VAC14: variants seen among roughly 807,000 people sequenced by gnomAD.
The protein encoded by VAC14 is VAC14 component of PIKFYVE complex.
Under a neutral mutation model 85.3 loss-of-function variants are expected in VAC14, and 47 were observed. That is an observed-to-expected ratio of 0.55 (90% CI 0.44 to 0.70). VAC14 has a LOEUF of 0.70. VAC14 is among the 30% of genes least tolerant of loss of function. VAC14 has a pLI of 0.00. For missense variants in VAC14, 861 were observed against 1,004.3 expected (o/e 0.86, Z 1.93); for synonymous variants, 447 against 430.5 (o/e 1.04, Z -0.47).
Position 70,695,524 on chromosome 16 carries a change from TG to T in VAC14, c.2035+19del, listed in dbSNP as rs759981152. On this transcript the variant is annotated intron_variant, in intron 17 of 18. Coordinates refer to ENST00000261776, the MANE Select transcript of VAC14 (RefSeq NM_018052.5). ...AGCCTTGGACTCATGGCGCGAGGTG[TG>T]GTGGGAGGTGGTTCTTACATGTGAA... 38 of 1,612,586 alleles carry T rather than the reference TG, an allele frequency of 2.4e-5. No individual in the cohort carries two copies. The Admixed American group carries it at 6.2e-4, about 26-fold the overall frequency.
chr16:70,730,331 C>T (rs181693875), intron 14 of VAC14, among the ~76,000 whole-genome samples: 69 of 152,146 alleles, frequency 4.5e-4, no homozygotes, highest in African/African-American at 1.2e-3. Context: ...TCAGTGCCTC[C>T]GTGCTGACCC....
chr16:70,778,977 C>A (rs1049476629), intron 9 of VAC14: 18 of 152,234 alleles, frequency 1.2e-4, no homozygotes. Flanking sequence ...GCTTATCCCT[C>A]CAAGTTAACT....
intron 10 of VAC14, among the ~76,000 whole-genome samples, chr16:70,765,978 A>G (rs576144571): frequency 6.6e-6 from 1 of 152,118 alleles, no homozygotes; most frequent in South Asian, 2.1e-4. Context: ...TGAAAAATTT[A>G]AAAAATTAGC....
intron 2 of VAC14, 91 bp from the exon 3 acceptor site, chr16:70,785,960 G>A (rs2034035877): frequency 1.4e-6 from 2 of 1,447,294 alleles, no homozygotes; most frequent in Non-Finnish European, 1.9e-6. Context: ...CAGCTCCCTT[G>A]AAGGTGCTCA....
chr16:70,751,884 C>G (rs1389676113), intron 12 of VAC14, among the ~76,000 whole-genome samples: 1 of 152,210 alleles, frequency 6.6e-6, no homozygotes, highest in Non-Finnish European at 1.5e-5. Flanking sequence ...GGGGTGGCAT[C>G]CTGAGAAACG....
At chr16:70,723,537 C>T (rs146729429) in intron 14 of VAC14, among the ~76,000 whole-genome samples, 1 of 152,328 alleles carries the variant, frequency 6.6e-6, no homozygotes, top group East Asian at 1.9e-4. Flanking sequence ...GCTGGAGTGA[C>T]CAATGTCAAA....
At chr16:70,756,534 G>T (rs977501198) in intron 12 of VAC14, among the ~76,000 whole-genome samples, 2 of 152,208 alleles carry the variant, frequency 1.3e-5, no homozygotes, top group South Asian at 4.1e-4. Flanking sequence ...GCTGGTGAGG[G>T]GCTGAGAGGC....
rs1347414219 is a variant in VAC14 at position 70,778,347 on chromosome 16, G to A, written c.1096+2443C>T. On this transcript the variant is annotated intron_variant, in intron 9 of 18. Coordinates refer to ENST00000261776, the MANE Select transcript of VAC14 (RefSeq NM_018052.5). ...CAGGATGGAGTGGTTCCTTTCTAGC[G>A]GGCTTGACTTCTTGCCACATAAGCA... 5 of 152,148 alleles carry A rather than the reference G, an allele frequency of 3.3e-5. No homozygotes were observed. In the South Asian group the frequency reaches 6.2e-4, roughly 19 times the overall value. 9.4% of individuals were successfully genotyped at this position (152,148 alleles called of 1,614,324 possible).
In VAC14 at chr16:70,698,924, T is replaced by C. The variant is rs543483775; in HGVS notation, c.1662-113A>G. On this transcript the variant is annotated intron_variant, in intron 14 of 18. Transcript: ENST00000261776. ...GCGTCCTGGGGAAACTGCTCTTTCC[T>C]GAGGCCAGTGTGGAGCCATGACTCT... 35 of 873,196 alleles carry C rather than the reference T, an allele frequency of 4.0e-5. No homozygotes were observed. In the South Asian group the frequency reaches 5.5e-4, roughly 14 times the overall value. 54.1% of individuals were successfully genotyped at this position (873,196 alleles called of 1,614,324 possible). A position where few individuals can be genotyped will look rare whatever the true frequency, so the allele number is the denominator to read the frequency against.
chr16:70,768,712 A>G (rs1597977136), intron 10 of VAC14: 1 of 421,548 alleles, frequency 2.4e-6, no homozygotes, highest in East Asian at 7.9e-5. Context: ...CAAGTGAGAA[A>G]TCTTTCATAA....
chr16:70,795,655 A>G (rs2034516412), intron 1 of VAC14, among the ~76,000 whole-genome samples: 1 of 152,184 alleles, frequency 6.6e-6, no homozygotes, highest in African/African-American at 2.4e-5. Context: ...CCCCACAGCC[A>G]GCAGGCAGGG....
rs373347236 is a variant in VAC14 at position 70,709,995 on chromosome 16, T to A, written c.1662-11184A>T. Among the ~76,000 whole-genome samples the A allele has an allele frequency of 6.6e-5, 10 of 152,280 alleles. No homozygotes were observed. The South Asian group carries it at 2.1e-3, about 32-fold the overall frequency. On this transcript the variant is annotated intron_variant, in intron 14 of 18. Coordinates refer to ENST00000261776, the MANE Select transcript of VAC14 (RefSeq NM_018052.5). ...CTTGAACCCTCTAAGCAGGATTTCC[T>A]CCTGAGGATGTGCTCAGCTGCCCCC...
chr16:70,700,311 C>G (rs1160018392), intron 14 of VAC14: 1 of 152,262 alleles, frequency 6.6e-6, no homozygotes, highest in South Asian at 2.1e-4. Context: ...ACAAGCGGCA[C>G]AGGGAGGGGG....
intron 13 of VAC14, among the ~76,000 whole-genome samples, chr16:70,732,347 C>T (rs1167819598): frequency 6.6e-6 from 1 of 152,236 alleles, no homozygotes; most frequent in Admixed American, 6.5e-5. Context: ...AGGTGACTTT[C>T]TAACCAGGAG....
chr16:70,751,910 G>T (rs115554533), intron 12 of VAC14, among the ~76,000 whole-genome samples: 1,762 of 152,318 alleles, frequency 0.012, 31 homozygotes, highest in African/African-American at 0.04. Context: ...GTCTGCACGG[G>T]GTCACAGCAG....
intron 14 of VAC14, among the ~76,000 whole-genome samples, chr16:70,707,670 G>T (rs1448167371): frequency 3.3e-5 from 5 of 152,220 alleles, no homozygotes; most frequent in Non-Finnish European, 5.9e-5. Flanking sequence ...TAGAGAGCAA[G>T]TTGACTCCCG....
chr16:70,784,835 C>G lies in VAC14; in HGVS notation c.427G>C (p.Ala143Pro). Residue 143 changes from alanine to proline, a missense_variant, in exon 4 of 19, where the codon GCA becomes CCA. Physicochemically the swap from Ala to Pro is conservative, Grantham distance 27. Coordinates refer to ENST00000261776, the MANE Select transcript of VAC14 (RefSeq NM_018052.5). Reference protein sequence around the residue: ...NVLFDGLSKLAADPDPNVKSG... With the variant: ...NVLFDGLSKLPADPDPNVKSG... The stretch of plus-strand genomic sequence containing the variant: ...TTCACATTGGGGTCTGGGTCGGCTG[C>G]CAGCTGCAAGAGGCACAGACAGGGG... The G allele has an allele frequency of 1.2e-6, 2 of 1,614,048 alleles. No homozygotes were observed. The highest frequency in any genetic ancestry group is 1.7e-6 in the Non-Finnish European group (2 of 1,180,006).
At chr16:70,739,245 C>T (rs1030637851) in intron 13 of VAC14, among the ~76,000 whole-genome samples, 6 of 152,144 alleles carry the variant, frequency 3.9e-5, no homozygotes, top group Non-Finnish European at 5.9e-5. Context: ...AATCTAGATC[C>T]CTCTGACCCC....
At chr16:70,756,612 T>G (rs941596845) in intron 12 of VAC14, among the ~76,000 whole-genome samples, 4 of 152,030 alleles carry the variant, frequency 2.6e-5, no homozygotes, top group Admixed American at 6.5e-5. Flanking sequence ...GCCCCATTCC[T>G]CTCCCCTCAG....
Sources: gnomAD v4.1 joint callset for allele counts (sites outside exome capture counted in the v4.1 genomes callset) on GRCh38, gnomAD v4.1.1 for gene constraint, MANE v1.5 for transcripts, NCBI Gene and HGNC (gene_info 2026-07-23, HGNC 2026-07-21) for gene names.